The following ZNF804B variants were observed in gnomAD, a reference collection of about 807,000 sequenced individuals.
ZNF804B encodes zinc finger protein 804B, also known as zinc finger 804B.
ZNF804B carries 80 observed loss-of-function variants against 101.4 expected under a neutral mutation model. The ratio of observed to expected loss-of-function variants is 0.79; its 90% CI spans 0.66 to 0.95. The LOEUF (loss-of-function observed/expected upper bound fraction) is 0.95, where lower values mean the gene tolerates loss of function less well. Ranked by LOEUF, ZNF804B falls within the 40% of genes least tolerant of loss-of-function variation. ZNF804B has a pLI of 0.00. For missense variants in ZNF804B, 1,673 were observed against 1,561.9 expected, an observed-to-expected ratio of 1.07 and a Z score of -1.20; for synonymous variants, 622 against 558.8, an observed-to-expected ratio of 1.11 and a Z score of -1.59.
At chr7:89,094,686 G>C (rs1281272562) in intron 1 of ZNF804B, among the ~76,000 whole-genome samples, 3 of 149,854 alleles carry the variant, frequency 2.0e-5, no homozygotes, top group Non-Finnish European at 3.0e-5. Flanking sequence ...TTTTTTTTCA[G>C]TTTGTAGACT....
chr7:89,147,870 C>T (rs1334810563), intron 1 of ZNF804B, among the ~76,000 whole-genome samples: 2 of 151,568 alleles, frequency 1.3e-5, no homozygotes, highest in African/African-American at 4.9e-5. Context: ...TGCAGGAAAA[C>T]ACGCTCAGGG....
intron 2 of ZNF804B, among the ~76,000 whole-genome samples, chr7:89,231,604 C>A (rs971066676): frequency 1.3e-5 from 2 of 151,808 alleles, no homozygotes; most frequent in African/African-American, 4.8e-5. Flanking sequence ...ACTTAAATTG[C>A]CTTTAATTTA....
At chr7:89,013,131 A>C (rs571647733) in intron 1 of ZNF804B, among the ~76,000 whole-genome samples, 1 of 152,312 alleles carries the variant, frequency 6.6e-6, no homozygotes, top group South Asian at 2.1e-4. Flanking sequence ...TGCCCTTGAC[A>C]CATGGAAATT....
At chr7:89,193,123 G>C (rs1055142541) in intron 1 of ZNF804B, among the ~76,000 whole-genome samples, 4 of 151,856 alleles carry the variant, frequency 2.6e-5, no homozygotes, top group Non-Finnish European at 5.9e-5. Flanking sequence ...CTCCTATTCA[G>C]CATAGTATTG....
At chr7:88,807,345 A>G (rs1286220051) in intron 1 of ZNF804B, among the ~76,000 whole-genome samples, 1 of 152,214 alleles carries the variant, frequency 6.6e-6, no homozygotes, top group Non-Finnish European at 1.5e-5. Context: ...TGTTATAAAA[A>G]ATAAAATTAA....
intron 1 of ZNF804B, among the ~76,000 whole-genome samples, chr7:89,051,368 C>G (rs1378848714): frequency 6.6e-6 from 1 of 151,978 alleles, no homozygotes; most frequent in Non-Finnish European, 1.5e-5. Flanking sequence ...ATACTATTAC[C>G]AAGTGATTTA....
chr7:89,333,067 A>G (rs753689052), intron 3 of ZNF804B, among the ~76,000 whole-genome samples: 12 of 151,978 alleles, frequency 7.9e-5, no homozygotes, highest in Non-Finnish European at 1.6e-4. Context: ...CCAAAGATTG[A>G]TAGATTCTAT....
chr7:88,845,165 C>T (rs1198655213), intron 1 of ZNF804B, among the ~76,000 whole-genome samples: 1 of 152,196 alleles, frequency 6.6e-6, no homozygotes. Context: ...TTAGCCAGAT[C>T]AGTTCTGTTT....
chr7:88,978,077 A>G (rs1009227259), intron 1 of ZNF804B, among the ~76,000 whole-genome samples: 19 of 151,688 alleles, frequency 1.3e-4, no homozygotes, highest in South Asian at 2.1e-4. Flanking sequence ...GTTTTATTCC[A>G]TTGTGGCCAG....
At chr7:89,146,133 C>T (rs1790788560) in intron 1 of ZNF804B, among the ~76,000 whole-genome samples, 1 of 152,018 alleles carries the variant, frequency 6.6e-6, no homozygotes, top group African/African-American at 2.4e-5. Context: ...AACATCAGTA[C>T]ATGGTCAGAG....
chr7:88,945,933 T>G (rs1490494226), intron 1 of ZNF804B, among the ~76,000 whole-genome samples: 3 of 152,152 alleles, frequency 2.0e-5, no homozygotes, highest in Non-Finnish European at 4.4e-5. Flanking sequence ...TTTTGCACAT[T>G]GATTTTGTAT....
chr7:89,237,895 G>A (rs1789308977), intron 2 of ZNF804B, among the ~76,000 whole-genome samples: 1 of 152,094 alleles, frequency 6.6e-6, no homozygotes, highest in African/African-American at 2.4e-5. Context: ...ACTCTAATAA[G>A]AATAAAGAGT....
chr7:89,093,575 C>A (rs2106940), intron 1 of ZNF804B, among the ~76,000 whole-genome samples: 2 of 152,056 alleles, frequency 1.3e-5, no homozygotes, highest in Non-Finnish European at 2.9e-5. Context: ...AGTTCTGTTA[C>A]CCTAAAAATG....
intron 1 of ZNF804B, among the ~76,000 whole-genome samples, chr7:89,044,832 C>T (rs1036326624): frequency 1.5e-4 from 23 of 152,026 alleles, no homozygotes; most frequent in Admixed American, 3.9e-4. Context: ...CCTGACAGTG[C>T]GATAGAAAAG....
chr7:88,956,660 T>G (rs1793314476), intron 1 of ZNF804B, among the ~76,000 whole-genome samples: 1 of 151,048 alleles, frequency 6.6e-6, no homozygotes, highest in Non-Finnish European at 1.5e-5. Context: ...TACTTCTAAC[T>G]GGGATAGTTT....
chr7:89,057,640 G>T (rs1227734658), intron 1 of ZNF804B, among the ~76,000 whole-genome samples: 1 of 152,092 alleles, frequency 6.6e-6, no homozygotes, highest in Admixed American at 6.6e-5. Flanking sequence ...TTCAGTGGGG[G>T]TGTGAGGGAT....
intron 1 of ZNF804B, among the ~76,000 whole-genome samples, chr7:89,123,007 C>G (rs115060536): frequency 0.021 from 3,269 of 152,156 alleles, 119 homozygotes; most frequent in African/African-American, 0.075. Context: ...TGACCGAACC[C>G]TATGGACTGA....
intron 1 of ZNF804B, among the ~76,000 whole-genome samples, chr7:88,833,549 G>A (rs1303761052): frequency 6.6e-6 from 1 of 151,140 alleles, no homozygotes; most frequent in Admixed American, 6.6e-5. Context: ...TAAAAGATAG[G>A]AAAATTTAGA....
intron 1 of ZNF804B, among the ~76,000 whole-genome samples, chr7:89,168,143 C>T (rs62461940): frequency 0.2 from 30,700 of 151,782 alleles, 3,331 homozygotes; most frequent in Non-Finnish European, 0.22. Flanking sequence ...TTTCTCAGAA[C>T]GGGCATTTTT....
Sources: gnomAD v4.1 joint callset for allele counts (sites outside exome capture counted in the v4.1 genomes callset) on GRCh38, gnomAD v4.1.1 for gene constraint, MANE v1.5 for transcripts, NCBI Gene and HGNC (gene_info 2026-07-23, HGNC 2026-07-21) for gene names.